PRKCA: variants seen among roughly 807,000 people sequenced by gnomAD.
PRKCA encodes the protein protein kinase C alpha.
In PRKCA, 27 loss-of-function variants were observed where a neutral mutation model predicts 87.0. That is an observed-to-expected ratio of 0.31 (90% CI 0.23 to 0.43). PRKCA has a LOEUF of 0.43. PRKCA is among the 20% of genes least tolerant of loss of function. The pLI, the probability that PRKCA is intolerant of heterozygous loss-of-function variation, is 1.00. For missense variants in PRKCA, 518 were observed against 852.3 expected, an observed-to-expected ratio of 0.61 and a Z score of 4.88; for synonymous variants, 329 against 311.1, an observed-to-expected ratio of 1.06 and a Z score of -0.61.
rs1339163849 is a variant in PRKCA, at chr17:66,324,646, T to TA, written c.205+18527dup. 1.1e-4 allele frequency among the ~76,000 whole-genome samples: 17 copies of TA among 151,814 alleles called. No homozygotes were observed. The South Asian group carries it at 2.3e-3, about 20-fold the overall frequency. On this transcript the variant is annotated intron_variant, in intron 2 of 16. Transcript: ENST00000413366. ...AAGTCAACATTTATAAGTTAATATA[T>TA]AAAAAAAATTTGAGAGACTTTCCAA...
At chr17:66,590,039 C>T (rs1428542989) in intron 3 of PRKCA, among the ~76,000 whole-genome samples, 10 of 152,144 alleles carry the variant, frequency 6.6e-5, no homozygotes. Context: ...CGCCGCTCAC[C>T]TCCTGCTGTG....
At chr17:66,775,320 C>T in intron 14 of PRKCA, 1 of 985,380 alleles carries the variant, frequency 1.0e-6, no homozygotes, top group Non-Finnish European at 1.2e-6. Flanking sequence ...AATTCCTCCT[C>T]CTTTCAGCCG....
intron 2 of PRKCA, among the ~76,000 whole-genome samples, chr17:66,376,160 C>T (rs1909404946): frequency 6.6e-6 from 1 of 152,146 alleles, no homozygotes; most frequent in South Asian, 2.1e-4. Flanking sequence ...AAGCCGGCTG[C>T]ATCAGAATCT....
At position 66,679,325 on chromosome 17, in the gene PRKCA, C is replaced by T. The variant is rs542599123; in HGVS notation, c.530-7786C>T. On this transcript the variant is annotated intron_variant, in intron 5 of 16. Coordinates refer to ENST00000413366, the MANE Select transcript of PRKCA (RefSeq NM_002737.3). ...CCTCCCGAGTAGCTGTGACTACAGGCGTCCGCCACCACACCCGGCTAATTT... is the reference window on the plus strand; with the variant it reads ...CCTCCCGAGTAGCTGTGACTACAGGTGTCCGCCACCACACCCGGCTAATTT... Among the ~76,000 whole-genome samples, 5 of 152,164 alleles carry T rather than the reference C, an allele frequency of 3.3e-5. No homozygotes were observed. The East Asian group carries it at 5.8e-4, about 18-fold the overall frequency.
intron 2 of PRKCA, among the ~76,000 whole-genome samples, chr17:66,313,992 T>G (rs1394124787): frequency 6.6e-6 from 1 of 152,222 alleles, no homozygotes; most frequent in African/African-American, 2.4e-5. Flanking sequence ...GACATCTAGC[T>G]TTCATATTTT....
chr17:66,422,874 G>C (rs776438169), intron 2 of PRKCA, among the ~76,000 whole-genome samples: 19 of 152,174 alleles, frequency 1.2e-4, no homozygotes, highest in Non-Finnish European at 2.4e-4. Context: ...GCTTTGGGAG[G>C]CTGAGGCAGG....
chr17:66,710,405 C>G (rs577190776), intron 8 of PRKCA, among the ~76,000 whole-genome samples: 1 of 152,288 alleles, frequency 6.6e-6, no homozygotes, highest in East Asian at 1.9e-4. Flanking sequence ...ATTTCTCCTA[C>G]TAACCTGGCA....
intron 8 of PRKCA, among the ~76,000 whole-genome samples, chr17:66,726,690 G>C (rs551667404): frequency 1.4e-4 from 22 of 152,098 alleles, no homozygotes; most frequent in African/African-American, 5.3e-4. Flanking sequence ...TCTCTCTGTC[G>C]TGTGGGAAGC....
intron 3 of PRKCA, among the ~76,000 whole-genome samples, chr17:66,613,544 C>T (rs566824061): frequency 1.3e-5 from 2 of 152,212 alleles, no homozygotes; most frequent in South Asian, 4.1e-4. Context: ...AAGGTGTCTC[C>T]AGGCCATGCT....
intron 13 of PRKCA, among the ~76,000 whole-genome samples, chr17:66,752,566 C>G (rs1236043722): frequency 6.6e-6 from 1 of 152,178 alleles, no homozygotes; most frequent in Non-Finnish European, 1.5e-5. Flanking sequence ...CCAGTGCTCT[C>G]CAGCCTGGGC....
chr17:66,367,823 G>A (rs1432401035), intron 2 of PRKCA, among the ~76,000 whole-genome samples: 1 of 152,156 alleles, frequency 6.6e-6, no homozygotes, highest in Non-Finnish European at 1.5e-5. Flanking sequence ...CAATTTATGA[G>A]ACTATGCTCA....
At chr17:66,420,823 A>G (rs1056570114) in intron 2 of PRKCA, among the ~76,000 whole-genome samples, 1 of 152,172 alleles carries the variant, frequency 6.6e-6, no homozygotes, top group Non-Finnish European at 1.5e-5. Context: ...CAGTCAAATC[A>G]ATGTTCTCTT....
At chr17:66,562,592 T>G (rs72845921) in intron 3 of PRKCA, among the ~76,000 whole-genome samples, 9,158 of 150,826 alleles carry the variant, frequency 0.061, 360 homozygotes, top group Non-Finnish European at 0.085. Context: ...TTTGTTTTTT[T>G]TTGTTGTTGT....
At chr17:66,558,387 AG>A (rs5821516) in intron 3 of PRKCA, among the ~76,000 whole-genome samples, 14,437 of 152,210 alleles carry the variant, frequency 0.095, 887 homozygotes, top group African/African-American at 0.17. Context: ...ATAGGAGAAG[AG>A]GGCTTTGCTG....
intron 3 of PRKCA, among the ~76,000 whole-genome samples, chr17:66,559,246 A>C (rs1261799900): frequency 6.6e-6 from 1 of 151,786 alleles, no homozygotes; most frequent in East Asian, 2.0e-4. Flanking sequence ...GTTGAGGTGG[A>C]TGGGTCACGA....
At chr17:66,415,290 C>T (rs1912070080) in intron 2 of PRKCA, 1 of 152,034 alleles carries the variant, frequency 6.6e-6, no homozygotes, top group Admixed American at 6.6e-5. Flanking sequence ...AAGTTAGAAC[C>T]TCCTTTGGAC....
At chr17:66,731,770 C>T (rs1248684344) in intron 8 of PRKCA, among the ~76,000 whole-genome samples, 8 of 146,756 alleles carry the variant, frequency 5.5e-5, no homozygotes, top group Admixed American at 4.9e-4. Flanking sequence ...CCTTGTGCTC[C>T]CTTTCTTTTT....
At chr17:66,798,378 CGGTGGTGGT>C (rs1191158029) in intron 16 of PRKCA, among the ~76,000 whole-genome samples, 5 of 54,950 alleles carry the variant, frequency 9.1e-5, no homozygotes, top group East Asian at 5.4e-4. Flanking sequence ...TTTCAGTAGG[CGGTGGTGGT>C]GGTGGTGGTG....
intron 2 of PRKCA, chr17:66,398,141 A>G (rs1222595861): frequency 6.6e-6 from 1 of 152,244 alleles, no homozygotes; most frequent in Non-Finnish European, 1.5e-5. Flanking sequence ...GAAATTACAC[A>G]GCCAGGAATG....
Sources: allele counts gnomAD v4.1 joint callset (sites outside exome capture counted in the v4.1 genomes callset), GRCh38; gene constraint gnomAD v4.1.1; transcripts MANE v1.5; gene names NCBI Gene and HGNC (gene_info 2026-07-23, HGNC 2026-07-21).